Variants in AP4S1 observed in about 807,000 individuals in gnomAD.
AP4S1 encodes the protein adaptor related protein complex 4 subunit sigma 1.
In AP4S1, 23 loss-of-function variants were observed where a neutral mutation model predicts 19.8. The observed-to-expected ratio is 1.16, with a 90% CI of 0.84 to 1.65. The LOEUF is 1.65. Among genes scored for constraint, AP4S1 ranks in the 40% most tolerant of loss-of-function variants. The pLI is 0.00. For synonymous variants in AP4S1, 46 were observed against 54.1 expected, an observed-to-expected ratio of 0.85 and a Z score of 0.66; for missense variants, 166 against 172.8, an observed-to-expected ratio of 0.96 and a Z score of 0.22.
Position 31,080,466 on chromosome 14 carries a change from G to A in AP4S1, c.295-107G>A. On this transcript the variant is annotated intron_variant, in intron 4 of 5. Coordinates refer to ENST00000542754, the MANE Select transcript of AP4S1 (RefSeq NM_001128126.3). ...GGCCACCAAGCCCAGAAGCAGGTAG[G>A]AGAGGCCGCTGCTATGGACGCAGAA... The A allele has an allele frequency of 3.3e-6, 3 of 900,058 alleles. No homozygotes were observed. The African/African-American group carries it at 4.9e-5, about 15-fold the overall frequency. 55.8% of individuals were successfully genotyped at this position (900,058 alleles called of 1,614,324 possible). A position where few individuals can be genotyped will look rare whatever the true frequency, so the allele number is the denominator to read the frequency against.
chr14:31,078,937 T>G (rs1887500763), intron 4 of AP4S1, among the ~76,000 whole-genome samples: 1 of 152,210 alleles, frequency 6.6e-6, no homozygotes, highest in Admixed American at 6.5e-5. Context: ...ATTTTTAGGT[T>G]TGTGAATTTT....
At chr14:31,073,481 C>G (rs1269021011) in intron 4 of AP4S1, among the ~76,000 whole-genome samples, 1 of 148,648 alleles carries the variant, frequency 6.7e-6, no homozygotes, top group Non-Finnish European at 1.5e-5. Flanking sequence ...CAGAGCGAGA[C>G]TCCGTCTCAG....
chr14:31,040,085 A>G (rs1269156089), intron 1 of AP4S1, among the ~76,000 whole-genome samples: 1 of 151,694 alleles, frequency 6.6e-6, no homozygotes, highest in Non-Finnish European at 1.5e-5. Flanking sequence ...ACTTAAATTC[A>G]CTTATAGTCT....
chr14:31,091,286 G>C (rs1181834077), intron 5 of AP4S1, among the ~76,000 whole-genome samples: 1 of 152,180 alleles, frequency 6.6e-6, no homozygotes, highest in East Asian at 1.9e-4. Flanking sequence ...ATTGCCCTTA[G>C]TGAATATAAC....
At chr14:31,068,821 T>C (rs1170141786) in intron 2 of AP4S1, among the ~76,000 whole-genome samples, 3 of 152,126 alleles carry the variant, frequency 2.0e-5, no homozygotes, top group Non-Finnish European at 4.4e-5. Flanking sequence ...ACTTTTTTTT[T>C]TAATGTCAGA....
chr14:31,057,768 G>A (rs1282128677), intron 1 of AP4S1, among the ~76,000 whole-genome samples: 4 of 151,944 alleles, frequency 2.6e-5, no homozygotes, highest in African/African-American at 9.7e-5. Flanking sequence ...TATGATTACA[G>A]GCACCCGACA....
chr14:31,061,804 A>G (rs1886453199), intron 1 of AP4S1, among the ~76,000 whole-genome samples: 1 of 151,834 alleles, frequency 6.6e-6, no homozygotes, highest in Non-Finnish European at 1.5e-5. Context: ...CACCACACCC[A>G]GCTAATTTTG....
chr14:31,042,597 G>A (rs2139455938), intron 1 of AP4S1, among the ~76,000 whole-genome samples: 1 of 152,192 alleles, frequency 6.6e-6, no homozygotes, highest in East Asian at 1.9e-4. Flanking sequence ...CAATGTAATG[G>A]TCTATATATA....
intron 5 of AP4S1, among the ~76,000 whole-genome samples, chr14:31,086,845 C>G (rs1283290507): frequency 6.6e-6 from 1 of 152,074 alleles, no homozygotes; most frequent in East Asian, 1.9e-4. Context: ...AAAAACCTCA[C>G]TTTTAAAAAT....
chr14:31,039,210 G>A (rs1054708665), intron 1 of AP4S1, among the ~76,000 whole-genome samples: 3 of 151,504 alleles, frequency 2.0e-5, no homozygotes, highest in African/African-American at 7.3e-5. Flanking sequence ...TTTTGAGATG[G>A]AGTCTCGCTC....
chr14:31,033,253 A>T (rs3784157), intron 1 of AP4S1, among the ~76,000 whole-genome samples: 2 of 151,734 alleles, frequency 1.3e-5, no homozygotes, highest in South Asian at 2.1e-4. Context: ...TCGCTCTGTC[A>T]CCCAGGCTGG....
intron 1 of AP4S1, among the ~76,000 whole-genome samples, chr14:31,052,257 G>C (rs568760884): frequency 5.9e-4 from 90 of 152,178 alleles, no homozygotes; most frequent in African/African-American, 1.9e-3. Context: ...TGGTGATAGA[G>C]TGAGACCCTC....
intron 3 of AP4S1, among the ~76,000 whole-genome samples, chr14:31,072,629 C>T (rs1887075552): frequency 6.6e-6 from 1 of 152,162 alleles, no homozygotes. Flanking sequence ...CCTTGGCCTC[C>T]CAAAGTGCTA....
chr14:31,029,606 C>G (rs1433236068), intron 1 of AP4S1, among the ~76,000 whole-genome samples: 2 of 152,088 alleles, frequency 1.3e-5, no homozygotes, highest in Non-Finnish European at 2.9e-5. Flanking sequence ...TGGCTTAAGC[C>G]TAGGAATTCG....
intron 1 of AP4S1, among the ~76,000 whole-genome samples, chr14:31,058,527 ATGTGTGTGTGTGTGTGTGTG>A (rs140119208): frequency 1.7e-4 from 23 of 136,670 alleles, no homozygotes; most frequent in African/African-American, 3.2e-4. Flanking sequence ...CTGTGTGTGT[ATGTGTGTGTGTGTGTGTGTG>A]TGTGTGTGTG....
intron 1 of AP4S1, among the ~76,000 whole-genome samples, chr14:31,048,505 G>T (rs1885549421): frequency 6.6e-6 from 1 of 151,682 alleles, no homozygotes; most frequent in African/African-American, 2.4e-5. Flanking sequence ...GAAGTGGGTG[G>T]ATCACGAGGT....
chr14:31,043,038 T>C (rs1417090749), intron 1 of AP4S1, among the ~76,000 whole-genome samples: 1 of 152,030 alleles, frequency 6.6e-6, no homozygotes, highest in Non-Finnish European at 1.5e-5. Flanking sequence ...CTGGCCGACA[T>C]GGTGAAACCC....
chr14:31,026,417 C>T, intron 1 of AP4S1: 2 of 145,330 alleles, frequency 1.4e-5, no homozygotes, highest in South Asian at 4.1e-4. Context: ...AAGGGGGGGC[C>T]TCGGCGGGAG....
chr14:31,047,634 A>AT lies in AP4S1; in HGVS notation c.-71-18490dup, dbSNP rs1594648993. Among the ~76,000 whole-genome samples the AT allele has an allele frequency of 2.6e-5, 4 of 151,674 alleles. No individual in the cohort carries two copies. In the East Asian group the frequency reaches 7.7e-4, roughly 29 times the overall value. On this transcript the variant is annotated intron_variant, in intron 1 of 5. Coordinates refer to ENST00000542754, the MANE Select transcript of AP4S1 (RefSeq NM_001128126.3). The stretch of plus-strand genomic sequence containing the variant: ...ATGGTCTCGATCTCCTGACCTTGTG[A>AT]TTCGCCCGCCTCAGCCTCCCAAAGC...
Sources: gnomAD v4.1 joint callset for allele counts (sites outside exome capture counted in the v4.1 genomes callset) on GRCh38, gnomAD v4.1.1 for gene constraint, MANE v1.5 for transcripts, NCBI Gene and HGNC (gene_info 2026-07-23, HGNC 2026-07-21) for gene names.